Variants in PEX5L observed in about 807,000 individuals in gnomAD.
PEX5L encodes PEX5-related protein.
A neutral mutation model predicts 84.0 loss-of-function variants in PEX5L; 30 were observed. The observed-to-expected ratio is 0.36, with a 90% CI of 0.27 to 0.48. The LOEUF is 0.48. Among genes scored for constraint, PEX5L ranks in the 20% least tolerant of loss-of-function variants. PEX5L has a pLI of 0.99. For synonymous variants in PEX5L, 270 were observed against 283.1 expected (o/e 0.95, Z 0.46); for missense variants, 533 against 754.6 (o/e 0.71, Z 3.44).
At chr3:179,904,496 T>C (rs1762468256) in intron 2 of PEX5L, among the ~76,000 whole-genome samples, 1 of 152,184 alleles carries the variant, frequency 6.6e-6, no homozygotes, top group South Asian at 2.1e-4. Flanking sequence ...ATGGCCACCA[T>C]ATGTATACTC....
At chr3:179,886,393 T>G (rs1755870683) in intron 4 of PEX5L, among the ~76,000 whole-genome samples, 1 of 152,024 alleles carries the variant, frequency 6.6e-6, no homozygotes, top group Admixed American at 6.5e-5. Context: ...ATGATTGCTG[T>G]GGTGTGATAT....
chr3:179,877,766 A>G (rs1752895682), intron 5 of PEX5L, among the ~76,000 whole-genome samples: 1 of 152,208 alleles, frequency 6.6e-6, no homozygotes, highest in African/African-American at 2.4e-5. Flanking sequence ...TCAATGTATT[A>G]ATATATTTTA....
rs936217559 is a variant in PEX5L at position 179,798,149 on chromosome 3, A to G, written c.*3679T>C. On this transcript the variant is annotated 3_prime_UTR_variant, in exon 15 of 15. Coordinates refer to ENST00000467460, the MANE Select transcript of PEX5L (RefSeq NM_016559.3). ...TGGGTCCCACGTTCAATATAATAGT[A>G]TCTTAAAGAGAAGAATGAGGAAAGT... 5 of 152,238 alleles carry G rather than the reference A, an allele frequency of 3.3e-5. No homozygotes were observed. Among genetic ancestry groups the G allele is most frequent in the African/African-American group, 1.2e-4 (5 of 41,466 alleles). The allele number at this position is 152,238 out of a possible 1,614,324, so 9.4% of individuals were successfully genotyped here.
At chr3:179,923,937 G>T (rs1770640430) in intron 2 of PEX5L, among the ~76,000 whole-genome samples, 1 of 152,188 alleles carries the variant, frequency 6.6e-6, no homozygotes, top group Admixed American at 6.5e-5. Flanking sequence ...AACTAAATTT[G>T]TTTCTAATAA....
intron 8 of PEX5L, among the ~76,000 whole-genome samples, chr3:179,838,904 C>T (rs1735994858): frequency 6.6e-6 from 1 of 152,008 alleles, no homozygotes; most frequent in Non-Finnish European, 1.5e-5. Flanking sequence ...GCTTGCTCTC[C>T]AATGACAGGC....
intron 2 of PEX5L, among the ~76,000 whole-genome samples, chr3:179,919,327 TCTCTCTAG>T (rs1768419051): frequency 6.6e-6 from 1 of 152,220 alleles, no homozygotes; most frequent in African/African-American, 2.4e-5. Flanking sequence ...GCAAGCAGCC[TCTCTCTAG>T]GTACTTGATA....
intron 1 of PEX5L, among the ~76,000 whole-genome samples, chr3:180,010,110 C>CT (rs1170035749): frequency 4.6e-5 from 7 of 151,620 alleles, no homozygotes; most frequent in East Asian, 2.0e-4. Flanking sequence ...CGTCTGGCTA[C>CT]TTTTTTTTGT....
At chr3:179,921,734 G>A (rs981526750) in intron 2 of PEX5L, 15 of 152,218 alleles carry the variant, frequency 9.9e-5, no homozygotes, top group Non-Finnish European at 1.0e-4. Flanking sequence ...TCCTGATATA[G>A]CCTGCAGTCC....
chr3:179,964,938 G>C (rs578229056), intron 2 of PEX5L, among the ~76,000 whole-genome samples: 1 of 152,312 alleles, frequency 6.6e-6, no homozygotes, highest in East Asian at 1.9e-4. Flanking sequence ...TTATAGCAGA[G>C]CAGCCTGTGG....
chr3:179,803,304 G>A (rs964148245), intron 14 of PEX5L, among the ~76,000 whole-genome samples: 6 of 152,150 alleles, frequency 3.9e-5, no homozygotes, highest in African/African-American at 1.4e-4. Context: ...CATGTAGTGA[G>A]TTTTATTCTT....
At chr3:179,949,809 C>T (rs1778597746) in intron 2 of PEX5L, among the ~76,000 whole-genome samples, 2 of 152,150 alleles carry the variant, frequency 1.3e-5, no homozygotes, top group Non-Finnish European at 1.5e-5. Context: ...TATTAAAAAC[C>T]TGCTATAAGC....
rs180989651 is a variant in PEX5L at position 179,811,979 on chromosome 3, C to T, written c.1084-108G>A. On this transcript the variant is annotated intron_variant, in intron 10 of 14. Transcript: ENST00000467460. ...ATCCCCTATGCAGAGCAAGCTGTCT[C>T]ATATGTGAGCGCTATATAAAAGGGA... 66 of 826,422 alleles carry T rather than the reference C, an allele frequency of 8.0e-5. 1 individual carries two copies. The East Asian group carries it at 1.5e-3, about 19-fold the overall frequency. The allele number at this position is 826,422 out of a possible 1,614,324, so 51.2% of individuals were successfully genotyped here. A position where few individuals can be genotyped will look rare whatever the true frequency, so the allele number is the denominator to read the frequency against.
rs557297246 is a variant in PEX5L at position 179,987,210 on chromosome 3, T to C, written c.22-15545A>G. 2.1e-3 allele frequency among the ~76,000 whole-genome samples: 326 copies of C among 152,296 alleles called. 1 individual carries two copies. The highest frequency in any genetic ancestry group is 3.4e-3 in the Non-Finnish European group (229 of 68,018). On this transcript the variant is annotated intron_variant, in intron 1 of 14. Coordinates refer to ENST00000467460, the MANE Select transcript of PEX5L (RefSeq NM_016559.3). ...TTTAATAGCACTCATTAAATATTAT[T>C]AGCTGATATCTTTTCCTCCCTCCCT...
intron 2 of PEX5L, among the ~76,000 whole-genome samples, chr3:179,923,350 G>T (rs1468352238): frequency 6.7e-6 from 1 of 149,990 alleles, no homozygotes; most frequent in Non-Finnish European, 1.5e-5. Flanking sequence ...AATAAAGGGA[G>T]AATTGGCATA....
chr3:179,938,694 G>A (rs1775267790), intron 2 of PEX5L, among the ~76,000 whole-genome samples: 1 of 152,198 alleles, frequency 6.6e-6, no homozygotes, highest in Admixed American at 6.5e-5. Context: ...TCAAGGAGAG[G>A]ATGTGAATGT....
chr3:179,971,553 T>C (rs1784740874), intron 2 of PEX5L, 41 bp downstream of exon 2: 3 of 1,569,010 alleles, frequency 1.9e-6, no homozygotes, highest in South Asian at 2.4e-5. Context: ...CATCAAAATA[T>C]ACAGTAGAAC....
chr3:179,911,643 A>G (rs1424289906), intron 2 of PEX5L, among the ~76,000 whole-genome samples: 1 of 152,220 alleles, frequency 6.6e-6, no homozygotes, highest in Non-Finnish European at 1.5e-5. Flanking sequence ...AATTTGAAAT[A>G]GTAACTTGAT....
At chr3:179,946,064 A>G (rs949902170) in intron 2 of PEX5L, among the ~76,000 whole-genome samples, 1 of 144,862 alleles carries the variant, frequency 6.9e-6, no homozygotes, top group Non-Finnish European at 1.5e-5. Context: ...TTCATTCTTT[A>G]TTTGCCACTG....
intron 2 of PEX5L, among the ~76,000 whole-genome samples, chr3:179,918,438 T>C (rs1049067774): frequency 3.9e-5 from 6 of 152,224 alleles, no homozygotes; most frequent in Non-Finnish European, 8.8e-5. Context: ...GAAGGCACTG[T>C]GATAGCTCTA....
Sources: allele counts gnomAD v4.1 joint callset (sites outside exome capture counted in the v4.1 genomes callset), GRCh38; gene constraint gnomAD v4.1.1; transcripts MANE v1.5; gene names NCBI Gene and HGNC (gene_info 2026-07-23, HGNC 2026-07-21).